COL23A1: variants seen among roughly 807,000 people sequenced by gnomAD.
The protein encoded by COL23A1 is collagen type XXIII alpha 1 chain, also known as collagen alpha-1(XXIII) chain.
A neutral mutation model predicts 99.3 loss-of-function variants in COL23A1; 97 were observed. The observed-to-expected ratio is 0.98, with a 90% CI of 0.83 to 1.16. The LOEUF is 1.16. Ranked by LOEUF, COL23A1 falls within the 50% of genes most tolerant of loss-of-function variation. COL23A1 has a pLI of 0.00. For missense variants in COL23A1, 762 were observed against 757.4 expected, an observed-to-expected ratio of 1.01 and a Z score of -0.07; for synonymous variants, 320 against 308.2, an observed-to-expected ratio of 1.04 and a Z score of -0.40.
At chr5:178,498,206 AT>A (rs1758298644) in intron 2 of COL23A1, among the ~76,000 whole-genome samples, 1 of 3,966 alleles carries the variant, frequency 2.5e-4, no homozygotes, top group Non-Finnish European at 4.5e-4. Flanking sequence ...CTTTATTTAA[AT>A]ATATATATAT....
At chr5:178,531,524 T>C (rs940086711) in intron 2 of COL23A1, among the ~76,000 whole-genome samples, 3 of 152,142 alleles carry the variant, frequency 2.0e-5, no homozygotes, top group African/African-American at 7.2e-5. Flanking sequence ...CCTGAGCAGA[T>C]ACACCAGCCC....
At chr5:178,475,559 T>C (rs1047489678) in intron 2 of COL23A1, among the ~76,000 whole-genome samples, 1 of 152,238 alleles carries the variant, frequency 6.6e-6, no homozygotes, top group South Asian at 2.1e-4. Flanking sequence ...ATATAAAATG[T>C]ATGCGATTAC....
chr5:178,247,971 G>A, intron 20 of COL23A1, 140 bp from the exon 21 acceptor site: 1 of 790,458 alleles, frequency 1.3e-6, no homozygotes, highest in Non-Finnish European at 2.0e-6. Context: ...GGTGGCAGCT[G>A]GTCTGCGGAG....
chr5:178,502,500 A>T (rs1758623773), intron 2 of COL23A1, among the ~76,000 whole-genome samples: 1 of 152,178 alleles, frequency 6.6e-6, no homozygotes, highest in Admixed American at 6.5e-5. Context: ...ACATGGAAAG[A>T]TCCTCAGTGT....
At chr5:178,504,500 G>A (rs937893808) in intron 2 of COL23A1, among the ~76,000 whole-genome samples, 1 of 152,128 alleles carries the variant, frequency 6.6e-6, no homozygotes, top group African/African-American at 2.4e-5. Context: ...AAAGGGCTGC[G>A]TCCTAGCCAG....
chr5:178,488,522 A>G (rs1040610270), intron 2 of COL23A1, among the ~76,000 whole-genome samples: 1 of 152,158 alleles, frequency 6.6e-6, no homozygotes, highest in Non-Finnish European at 1.5e-5. Context: ...CGCCAATTAT[A>G]TTCAATGTTT....
intron 18 of COL23A1, 90 bp downstream of exon 18, chr5:178,249,971 G>A: frequency 6.9e-7 from 1 of 1,451,006 alleles, no homozygotes; most frequent in Non-Finnish European, 9.5e-7. Flanking sequence ...CTAACTCTGT[G>A]CACACATGCA....
intron 2 of COL23A1, among the ~76,000 whole-genome samples, chr5:178,364,947 C>T (rs952427678): frequency 3.9e-5 from 6 of 152,342 alleles, no homozygotes; most frequent in African/African-American, 1.4e-4. Flanking sequence ...GGCTTGGAAG[C>T]CTGGGCTCCG....
rs1039977562 is a variant in COL23A1 at position 178,339,830 on chromosome 5, G to A, written c.362-32911C>T. Among the ~76,000 whole-genome samples the A allele has an allele frequency of 3.9e-5, 6 of 152,204 alleles. No individual in the cohort carries two copies. In the South Asian group the frequency reaches 1.2e-3, roughly 32 times the overall value. ...CTAGCTGCTTTTCCCCAGCACTGGA[G>A]CTCTGTGGGGCTGGCAGAGAGAGGA... is the stretch of plus-strand genomic sequence containing the variant. On this transcript the variant is annotated intron_variant, in intron 2 of 28. Coordinates refer to ENST00000390654, the MANE Select transcript of COL23A1 (RefSeq NM_173465.4).
chr5:178,357,855 ATGTG>A (rs1561894953), intron 2 of COL23A1, among the ~76,000 whole-genome samples: 1 of 143,272 alleles, frequency 7.0e-6, no homozygotes, highest in Non-Finnish European at 1.5e-5. Context: ...TCTAATGTGT[ATGTG>A]TATGTATATG....
At chr5:178,531,273 C>T (rs1760633752) in intron 2 of COL23A1, among the ~76,000 whole-genome samples, 1 of 152,186 alleles carries the variant, frequency 6.6e-6, no homozygotes. Flanking sequence ...TCAACTCTCC[C>T]ATTTGAGGGA....
intron 2 of COL23A1, among the ~76,000 whole-genome samples, chr5:178,467,759 C>T (rs956270622): frequency 2.6e-5 from 4 of 152,168 alleles, no homozygotes; most frequent in Non-Finnish European, 1.5e-5. Flanking sequence ...TTAAAGTAAA[C>T]ATTATACACT....
chr5:178,429,362 C>T (rs1766128585), intron 2 of COL23A1, among the ~76,000 whole-genome samples: 1 of 152,176 alleles, frequency 6.6e-6, no homozygotes, highest in Non-Finnish European at 1.5e-5. Flanking sequence ...AGTTGCCCTG[C>T]TTCCCCGGCC....
At chr5:178,412,362 G>T (rs754422962) in intron 2 of COL23A1, among the ~76,000 whole-genome samples, 3 of 152,090 alleles carry the variant, frequency 2.0e-5, no homozygotes, top group Non-Finnish European at 4.4e-5. Flanking sequence ...AGAACTAGAG[G>T]TAAAGGAAGG....
chr5:178,382,376 A>G (rs1158040341), intron 2 of COL23A1, among the ~76,000 whole-genome samples: 2 of 152,128 alleles, frequency 1.3e-5, no homozygotes, highest in African/African-American at 4.8e-5. Context: ...TAGTGTTAAT[A>G]TATATGGACA....
chr5:178,280,098 A>G lies in COL23A1; in HGVS notation c.441+8226T>C, dbSNP rs987719920. ...GGTGAAGGGAACGATTCTCTGAATG[A>G]ACGTCCATCCTGCTGGCTCTCGTGC... is the stretch of plus-strand genomic sequence containing the variant. On this transcript the variant is annotated intron_variant, in intron 5 of 28. Transcript: ENST00000390654. The surrounding 1 kb of genome is among the most constrained non-coding windows in gnomAD (Gnocchi z 4.9). Among the ~76,000 whole-genome samples the G allele has an allele frequency of 8.5e-5, 13 of 152,242 alleles. No homozygotes were observed. The highest frequency in any genetic ancestry group is 3.1e-4 in the African/African-American group (13 of 41,466).
rs976619437 is a variant in COL23A1, at chr5:178,310,449, C to A, written c.362-3530G>T. 6.6e-6 allele frequency among the ~76,000 whole-genome samples: 1 copy of A among 152,230 alleles called. No individual in the cohort carries two copies. Among genetic ancestry groups the A allele is most frequent in the South Asian group, 2.1e-4 (1 of 4,830 alleles). ...TCCCTGTGCCCGCCCCGCAGGCTCA[C>A]CTTCTGCCTCGCCAGTCCTCTGAAG... is the stretch of plus-strand genomic sequence containing the variant. On this transcript the variant is annotated intron_variant, in intron 2 of 28. Coordinates refer to ENST00000390654, the MANE Select transcript of COL23A1 (RefSeq NM_173465.4). The surrounding 1 kb of genome is among the most constrained non-coding windows in gnomAD (Gnocchi z 4.3).
chr5:178,561,804 C>G (rs1396254506), intron 1 of COL23A1: 1 of 200,928 alleles, frequency 5.0e-6, no homozygotes, highest in Admixed American at 5.8e-5. Flanking sequence ...TTTTTAGGCA[C>G]TGCTTTAGAG....
intron 2 of COL23A1, among the ~76,000 whole-genome samples, chr5:178,514,628 T>A (rs1455526477): frequency 6.6e-6 from 1 of 152,156 alleles, no homozygotes; most frequent in Non-Finnish European, 1.5e-5. Context: ...GAACTGGGGC[T>A]CAGAGCCCAG....
Sources: gnomAD v4.1 joint callset for allele counts (sites outside exome capture counted in the v4.1 genomes callset) on GRCh38, gnomAD v4.1.1 for gene constraint, Gnocchi (gnomAD v3.1) non-coding constraint, MANE v1.5 for transcripts, NCBI Gene and HGNC (gene_info 2026-07-23, HGNC 2026-07-21) for gene names.